Variants in USO1 observed in about 807,000 individuals in gnomAD.
USO1 encodes general vesicular transport factor p115.
A neutral mutation model predicts 124.5 loss-of-function variants in USO1; 57 were observed. The ratio of observed to expected loss-of-function variants is 0.46; its 90% CI spans 0.37 to 0.57. The LOEUF is 0.57. USO1 is among the 20% of genes least tolerant of loss of function. USO1 has a pLI of 0.00. For missense variants in USO1, 900 were observed against 1,040.6 expected (o/e 0.86, Z 1.86); for synonymous variants, 369 against 362.8 (o/e 1.02, Z -0.19).
chr4:75,782,613 A>G, intron 8 of USO1, 67 bp from the exon 9 acceptor site: 5 of 1,486,026 alleles, frequency 3.4e-6, no homozygotes, highest in Non-Finnish European at 4.4e-6. Flanking sequence ...ATCTTTTTAA[A>G]AATGTTTGGG....
chr4:75,805,001 T>C, intron 18 of USO1, 139 bp from the exon 19 acceptor site: 1 of 1,184,156 alleles, frequency 8.4e-7, no homozygotes, highest in Non-Finnish European at 1.1e-6. Flanking sequence ...CAGTATACCA[T>C]TCTGCAAAGA....
chr4:75,755,103 A>G lies in USO1; in HGVS notation c.219-2394A>G, dbSNP rs574402275. On this transcript the variant is annotated intron_variant, in intron 3 of 23. Coordinates refer to ENST00000514213, the MANE Select transcript of USO1 (RefSeq NM_003715.4). ...CTTGGTAAGGCTGTTTGATATGGCA[A>G]CTGCTCTCCCAGAGCAAACTATCCT... Among the ~76,000 whole-genome samples the G allele has an allele frequency of 4.6e-5, 7 of 152,310 alleles. No homozygotes were observed. In the South Asian group the frequency reaches 1.2e-3, roughly 27 times the overall value.
chr4:75,781,881 T>C (rs1018224607), intron 8 of USO1, among the ~76,000 whole-genome samples: 1 of 152,214 alleles, frequency 6.6e-6, no homozygotes, highest in African/African-American at 2.4e-5. Context: ...AATATGTTTA[T>C]CAGAAGAAAC....
In USO1 at chr4:75,800,985, T is replaced by A. The variant is rs1722834067; in HGVS notation, c.1865-94T>A. 3.6e-6 allele frequency: 5 copies of A among 1,371,072 alleles called. No individual in the cohort carries two copies. In the African/African-American group the frequency reaches 7.3e-5, roughly 20 times the overall value. 84.9% of individuals were successfully genotyped at this position (1,371,072 alleles called of 1,614,324 possible). ...GATTGAAAAGATTATTTCTTACCTATCATGGAGTTAGGTTATATGTTTTTA... is the reference window on the plus strand; with the variant it reads ...GATTGAAAAGATTATTTCTTACCTAACATGGAGTTAGGTTATATGTTTTTA... On this transcript the variant is annotated intron_variant, in intron 16 of 23. Transcript: ENST00000514213.
intron 9 of USO1, among the ~76,000 whole-genome samples, chr4:75,783,079 G>A (rs978372067): frequency 2.0e-5 from 3 of 152,086 alleles, no homozygotes; most frequent in African/African-American, 4.8e-5. Context: ...TTGTTTCATC[G>A]TTTATTCCTC....
chr4:75,782,651 A>G, intron 8 of USO1, 29 bp from the exon 9 acceptor site: 1 of 1,524,206 alleles, frequency 6.6e-7, no homozygotes, highest in Non-Finnish European at 8.8e-7. Context: ...TACGAGCCTT[A>G]ACGCTTGTGT....
At chr4:75,740,740 A>G (rs942257718) in intron 1 of USO1, among the ~76,000 whole-genome samples, 2 of 152,200 alleles carry the variant, frequency 1.3e-5, no homozygotes, top group Admixed American at 6.5e-5. Context: ...AAGATCTAAT[A>G]TGGAAATTTC....
At chr4:75,789,345 T>C (rs1012417342) in intron 10 of USO1, among the ~76,000 whole-genome samples, 11 of 152,196 alleles carry the variant, frequency 7.2e-5, no homozygotes, top group African/African-American at 2.7e-4. Flanking sequence ...TGGCACTATT[T>C]CGGCTTACTT....
chr4:75,732,876 T>TTAAAAAA (rs71657376), intron 1 of USO1, among the ~76,000 whole-genome samples: 1 of 48,186 alleles, frequency 2.1e-5, no homozygotes, highest in Non-Finnish European at 3.3e-5. Context: ...AGATTCCATC[T>TTAAAAAA]AAAAAAAAAA....
rs1012551691 is a variant in USO1 at position 75,808,901 on chromosome 4, T to C, written c.2377-52T>C. ...AAATGTCTCCCTGTAAATATTTCCT[T>C]GATGAATTTAATACCATTTAATGTT... On this transcript the variant is annotated intron_variant, in intron 20 of 23. Transcript: ENST00000514213. 3.3e-6 allele frequency: 5 copies of C among 1,511,022 alleles called. No individual in the cohort carries two copies. In the African/African-American group the frequency reaches 7.1e-5, roughly 21 times the overall value. The allele number at this position is 1,511,022 out of a possible 1,614,324, so 93.6% of individuals were successfully genotyped here. A position where few individuals can be genotyped will look rare whatever the true frequency, so the allele number is the denominator to read the frequency against.
At chr4:75,769,774 A>G (rs1721870134) in intron 4 of USO1, among the ~76,000 whole-genome samples, 3 of 150,652 alleles carry the variant, frequency 2.0e-5, no homozygotes, top group Non-Finnish European at 4.4e-5. Flanking sequence ...ACATTGAGAC[A>G]ACAAATACTT....
At chr4:75,802,736 C>CTTTTTTTTTTTTTTTTTTTTTTTTTTTT in intron 17 of USO1, among the ~76,000 whole-genome samples, 1 of 63,738 alleles carries the variant, frequency 1.6e-5, no homozygotes, top group South Asian at 7.6e-4. Context: ...TTTTTCTTTT[C>CTTTTTTTTTTTTTTTTTTTTTTTTTTTT]TTTTTTTTTT....
chr4:75,772,182 A>T (rs1721950987), intron 7 of USO1, among the ~76,000 whole-genome samples: 1 of 152,192 alleles, frequency 6.6e-6, no homozygotes, highest in African/African-American at 2.4e-5. Flanking sequence ...ATTTTGTAAT[A>T]TGTATATCAA....
At chr4:75,757,187 A>G (rs1444748459) in intron 3 of USO1, among the ~76,000 whole-genome samples, 2 of 152,222 alleles carry the variant, frequency 1.3e-5, no homozygotes, top group Middle Eastern at 3.4e-3. Flanking sequence ...ATGTCACTAA[A>G]TATTCTTCGG....
chr4:75,804,364 A>G, intron 18 of USO1, 92 bp downstream of exon 18: 1 of 1,453,930 alleles, frequency 6.9e-7, no homozygotes, highest in Non-Finnish European at 9.1e-7. Context: ...GTGGACTAGT[A>G]TTTTTCTAAC....
At chr4:75,789,417 A>G (rs1560455328) in intron 10 of USO1, among the ~76,000 whole-genome samples, 1 of 152,142 alleles carries the variant, frequency 6.6e-6, no homozygotes, top group Non-Finnish European at 1.5e-5. Context: ...AATGGGGATT[A>G]TAGGCACACC....
At chr4:75,761,631 T>G (rs1041300085) in intron 4 of USO1, among the ~76,000 whole-genome samples, 1 of 152,196 alleles carries the variant, frequency 6.6e-6, no homozygotes, top group Admixed American at 6.5e-5. Flanking sequence ...TTTTTTTATT[T>G]TCTTCTCTCT....
At chr4:75,737,382 C>T (rs913831073) in intron 1 of USO1, among the ~76,000 whole-genome samples, 2 of 152,160 alleles carry the variant, frequency 1.3e-5, no homozygotes, top group Admixed American at 6.5e-5. Flanking sequence ...TCTTTGAAAT[C>T]AGGATACATC....
Position 75,812,358 on chromosome 4 carries a change from A to G in USO1, c.2782A>G (p.Lys928Glu). The change falls in exon 23 of 24, where the codon AAG becomes GAG. Residue 928 changes from lysine (K) to glutamate (E), a missense_variant. Physicochemically the swap from Lys to Glu is moderately conservative, Grantham distance 56. This residue lies in a region of USO1 where 362 missense variants were observed against 359.0 expected (regional missense o/e 1.01). Transcript: ENST00000514213. ...QKILSLKNKL[K>E]DLGHPVEEED... Reference sequence around the variant, plus strand: ...AATACTGTCATTGAAGAATAAACTCAAGGATCTTGGTCATCCAGTAAGATT... The same window carrying G: ...AATACTGTCATTGAAGAATAAACTCGAGGATCTTGGTCATCCAGTAAGATT... 2 of 1,590,972 alleles carry G rather than the reference A, an allele frequency of 1.3e-6. No individual in the cohort carries two copies. Among genetic ancestry groups the G allele is most frequent in the East Asian group, 2.3e-5 (1 of 44,372 alleles).
Sources: allele counts gnomAD v4.1 joint callset (sites outside exome capture counted in the v4.1 genomes callset), GRCh38; gene constraint gnomAD v4.1.1; regional missense constraint gnomAD v4.1.1; transcripts MANE v1.5; gene names NCBI Gene and HGNC (gene_info 2026-07-23, HGNC 2026-07-21).